The following OSBPL10 variants were observed in gnomAD, a reference collection of about 807,000 sequenced individuals.
OSBPL10 encodes oxysterol binding protein like 10, also known as oxysterol-binding protein-related protein 10.
Under a neutral mutation model 81.7 loss-of-function variants are expected in OSBPL10, and 49 were observed. The observed-to-expected ratio is 0.60, with a 90% confidence interval of 0.48 to 0.76. The LOEUF (loss-of-function observed/expected upper bound fraction) is 0.76, where lower values mean the gene tolerates loss of function less well. Among genes scored for constraint, OSBPL10 ranks in the 30% least tolerant of loss-of-function variants. The pLI is 0.00. For synonymous variants in OSBPL10, 419 were observed against 383.6 expected, an observed-to-expected ratio of 1.09 and a Z score of -1.08; for missense variants, 923 against 987.8, an observed-to-expected ratio of 0.93 and a Z score of 0.88.
chr3:31,709,307 C>G (rs1307486215), intron 6 of OSBPL10: 1 of 152,288 alleles, frequency 6.6e-6, no homozygotes, highest in Non-Finnish European at 1.5e-5. Flanking sequence ...ACTGGAAGGA[C>G]AGATGCTCTT....
At chr3:32,003,253 A>G (rs559831873) in intron 2 of OSBPL10, among the ~76,000 whole-genome samples, 121 of 152,370 alleles carry the variant, frequency 7.9e-4, no homozygotes, top group Non-Finnish European at 1.4e-3. Flanking sequence ...AGCACAGGTC[A>G]CTGGGAGTAT....
chr3:32,056,370 C>T (rs372370320), intron 1 of OSBPL10, among the ~76,000 whole-genome samples: 7 of 152,284 alleles, frequency 4.6e-5, no homozygotes, highest in South Asian at 2.1e-4. Flanking sequence ...TCATATCAGC[C>T]GGGTTCCAAC....
At position 31,991,326 on chromosome 3, in the gene OSBPL10, T is replaced by C. The variant is rs563496532; in HGVS notation, n.298+55165A>G. 5.1e-5 allele frequency: 12 copies of C among 233,344 alleles called. No homozygotes were observed. The South Asian group carries it at 1.2e-3, about 23-fold the overall frequency. The allele number at this position is 233,344 out of a possible 1,614,324, so 14.5% of individuals were successfully genotyped here. On this transcript the variant is annotated intron_variant and non_coding_transcript_variant, in intron 2 of 3. Transcript: ENST00000479173. ...ATAGGGATTTTTATGGGTATTGTGT[T>C]GAATCTAAATCACATTGGGTTATAT...
At chr3:32,015,250 A>T (rs1699302115) in intron 2 of OSBPL10, among the ~76,000 whole-genome samples, 1 of 152,148 alleles carries the variant, frequency 6.6e-6, no homozygotes, top group East Asian at 1.9e-4. Context: ...AAACAGAGAT[A>T]TAGACCAATG....
At chr3:32,003,201 C>A (rs1053341599) in intron 2 of OSBPL10, among the ~76,000 whole-genome samples, 2 of 152,218 alleles carry the variant, frequency 1.3e-5, no homozygotes, top group African/African-American at 4.8e-5. Context: ...GTAACACTTA[C>A]ATCAGAACTT....
intron 4 of OSBPL10, among the ~76,000 whole-genome samples, chr3:31,755,699 C>A (rs1413158506): frequency 6.6e-6 from 1 of 152,186 alleles, no homozygotes; most frequent in East Asian, 1.9e-4. Context: ...GAAAGGACAA[C>A]CCAAAGACCC....
chr3:32,072,717 G>C (rs1013077658), intron 1 of OSBPL10, among the ~76,000 whole-genome samples: 1 of 152,030 alleles, frequency 6.6e-6, no homozygotes, highest in Non-Finnish European at 1.5e-5. Flanking sequence ...ATTCACCCTC[G>C]CCCAGGAGTG....
intron 1 of OSBPL10, among the ~76,000 whole-genome samples, chr3:31,928,447 C>T (rs370908298): frequency 1.3e-5 from 2 of 151,988 alleles, no homozygotes; most frequent in African/African-American, 4.8e-5. Flanking sequence ...GGACACAGAC[C>T]CTACCATCTA....
At chr3:31,673,076 C>A (rs990393045) in intron 8 of OSBPL10, among the ~76,000 whole-genome samples, 2 of 152,098 alleles carry the variant, frequency 1.3e-5, no homozygotes, top group African/African-American at 4.8e-5. Flanking sequence ...AAGTAAAGCC[C>A]CAGGCCACCT....
intron 7 of OSBPL10, among the ~76,000 whole-genome samples, chr3:31,697,899 A>AGGCTAC (rs1695775634): frequency 1.3e-5 from 2 of 151,984 alleles, no homozygotes; most frequent in African/African-American, 4.8e-5. Context: ...AGTAGCTGGG[A>AGGCTAC]TTACAGGCAC....
chr3:31,784,967 C>G (rs1281301774), intron 4 of OSBPL10, among the ~76,000 whole-genome samples: 1 of 151,906 alleles, frequency 6.6e-6, no homozygotes, highest in Non-Finnish European at 1.5e-5. Flanking sequence ...TCACTGGAAC[C>G]TCTGTCTCCC....
At chr3:32,041,914 C>T (rs1699579942) in intron 2 of OSBPL10, among the ~76,000 whole-genome samples, 1 of 152,150 alleles carries the variant, frequency 6.6e-6, no homozygotes, top group Non-Finnish European at 1.5e-5. Context: ...CCTGCCTCAA[C>T]CTCCCAAAGT....
intron 1 of OSBPL10, among the ~76,000 whole-genome samples, chr3:31,895,283 C>T (rs1221857801): frequency 6.6e-6 from 1 of 151,668 alleles, no homozygotes; most frequent in Non-Finnish European, 1.5e-5. Flanking sequence ...AGGCACCCGT[C>T]ACCACGCCCG....
intron 1 of OSBPL10, among the ~76,000 whole-genome samples, chr3:31,881,367 G>A (rs1430390709): frequency 6.6e-6 from 1 of 152,216 alleles, no homozygotes; most frequent in Non-Finnish European, 1.5e-5. Context: ...TGAACTGATA[G>A]AGGCAATGCA....
chr3:31,879,975 T>A (rs539173368), intron 1 of OSBPL10, 145 bp from the exon 2 acceptor site: 2 of 846,476 alleles, frequency 2.4e-6, no homozygotes, highest in South Asian at 1.8e-5. Context: ...CAGATGCCCA[T>A]AGAAGTTAGC....
In OSBPL10 at chr3:32,062,940, A is replaced by C. The variant is rs1699759335; in HGVS notation, n.185+14456T>G. 3.2e-5 allele frequency among the ~76,000 whole-genome samples: 3 copies of C among 94,340 alleles called. 1 individual carries two copies. Among genetic ancestry groups the C allele is most frequent in the Admixed American group, 1.3e-4 (1 of 7,816 alleles). The allele number at this position is 94,340 out of a possible 152,430, so 61.9% of individuals were successfully genotyped here. On this transcript the variant is annotated intron_variant and non_coding_transcript_variant, in intron 1 of 3. Transcript: ENST00000479173. ...AGTCTTCCTTTTTCCACTACTTCTT[A>C]CTTTTAATGTACTGCCCGAGTACAA...
intron 7 of OSBPL10, among the ~76,000 whole-genome samples, chr3:31,690,914 C>CT (rs1286069488): frequency 1.6e-5 from 1 of 63,448 alleles, no homozygotes; most frequent in Admixed American, 2.3e-4. Flanking sequence ...CCTGGGCACC[C>CT]TCTCCTTTTT....
chr3:31,791,633 T>C (rs192368214), intron 4 of OSBPL10, among the ~76,000 whole-genome samples: 1 of 152,032 alleles, frequency 6.6e-6, no homozygotes, highest in East Asian at 1.9e-4. Context: ...ACTAGTGACT[T>C]AAAGAGGTTT....
At chr3:31,847,436 A>T (rs1559490214) in intron 3 of OSBPL10, among the ~76,000 whole-genome samples, 1 of 152,040 alleles carries the variant, frequency 6.6e-6, no homozygotes, top group Non-Finnish European at 1.5e-5. Flanking sequence ...TGATCCACCC[A>T]CCTTGGCCTC....
Sources: gnomAD v4.1 joint callset for allele counts (sites outside exome capture counted in the v4.1 genomes callset) on GRCh38, gnomAD v4.1.1 for gene constraint, MANE v1.5 for transcripts, NCBI Gene and HGNC (gene_info 2026-07-23, HGNC 2026-07-21) for gene names.